The following PCLO variants were observed in gnomAD, a reference collection of about 807,000 sequenced individuals.
PCLO encodes piccolo presynaptic cytomatrix protein, also known as protein piccolo.
PCLO carries 82 observed loss-of-function variants against 427.5 expected under a neutral mutation model. That is an observed-to-expected ratio of 0.19 (90% CI 0.16 to 0.23). The LOEUF is 0.23. Among genes scored for constraint, PCLO ranks in the 10% least tolerant of loss-of-function variants. PCLO has a pLI of 1.00. For missense variants in PCLO, 6,239 were observed against 6,115.9 expected, an observed-to-expected ratio of 1.02 and a Z score of -0.67; for synonymous variants, 2,357 against 2,155.4, an observed-to-expected ratio of 1.09 and a Z score of -2.59.
chr7:82,946,041 C>T (rs867843284), intron 6 of PCLO, among the ~76,000 whole-genome samples: 5 of 152,172 alleles, frequency 3.3e-5, no homozygotes, highest in South Asian at 4.1e-4. Flanking sequence ...CTTGTCTTAT[C>T]TGTAAGGGCT....
chr7:83,012,621 GAAAAAAAAAAA>G (rs537818971), intron 3 of PCLO, among the ~76,000 whole-genome samples: 3 of 66,738 alleles, frequency 4.5e-5, no homozygotes, highest in African/African-American at 5.8e-5. Flanking sequence ...CTGTCTCAAG[GAAAAAAAAAAA>G]AAAAAAAAAA....
At chr7:83,057,344 ATATATTTTTTTTTT>A (rs1473837791) in intron 3 of PCLO, among the ~76,000 whole-genome samples, 10 of 19,934 alleles carry the variant, frequency 5.0e-4, no homozygotes, top group East Asian at 2.0e-3. Context: ...ATATATATAT[ATATATTTTTTTTTT>A]TTTTTTTTTT....
intron 3 of PCLO, among the ~76,000 whole-genome samples, chr7:82,980,288 C>T (rs1796117874): frequency 6.6e-6 from 1 of 152,092 alleles, no homozygotes; most frequent in South Asian, 2.1e-4. Context: ...GCTTTATTTT[C>T]ACACCTGTCC....
intron 3 of PCLO, among the ~76,000 whole-genome samples, chr7:82,972,957 A>C (rs1397073891): frequency 6.6e-6 from 1 of 152,088 alleles, no homozygotes; most frequent in African/African-American, 2.4e-5. Flanking sequence ...AATCTCGGCA[A>C]TATGGTGTTC....
intron 2 of PCLO, among the ~76,000 whole-genome samples, chr7:83,137,499 C>T (rs1295913973): frequency 7.2e-5 from 11 of 152,236 alleles, no homozygotes; most frequent in African/African-American, 2.2e-4. Context: ...GGTGCGATCT[C>T]GGCTCACTGC....
At chr7:83,162,129 T>C (rs1563001141) in intron 1 of PCLO, among the ~76,000 whole-genome samples, 1 of 152,186 alleles carries the variant, frequency 6.6e-6, no homozygotes, top group Non-Finnish European at 1.5e-5. Flanking sequence ...GTTCCAAGAA[T>C]GTAACCCTTG....
At chr7:82,836,791 T>G (rs1792242666) in intron 15 of PCLO, among the ~76,000 whole-genome samples, 1 of 152,124 alleles carries the variant, frequency 6.6e-6, no homozygotes, top group South Asian at 2.1e-4. Context: ...GATCTGCCTG[T>G]GGTGATATAA....
intron 16 of PCLO, among the ~76,000 whole-genome samples, chr7:82,828,769 C>G (rs886848152): frequency 1.3e-5 from 2 of 152,170 alleles, no homozygotes; most frequent in African/African-American, 4.8e-5. Flanking sequence ...CTGTTACTTG[C>G]TATTACCAAA....
At chr7:82,794,678 T>C (rs1791189191) in intron 22 of PCLO, among the ~76,000 whole-genome samples, 1 of 151,590 alleles carries the variant, frequency 6.6e-6, no homozygotes, top group South Asian at 2.1e-4. Context: ...TATGCCATGT[T>C]GCCCAGGTTG....
intron 2 of PCLO, among the ~76,000 whole-genome samples, chr7:83,145,896 T>TA (rs1791982835): frequency 6.6e-6 from 1 of 152,200 alleles, no homozygotes; most frequent in African/African-American, 2.4e-5. Flanking sequence ...TGCCCAACTT[T>TA]AAAATCTCAT....
In PCLO at chr7:82,760,621, T is replaced by C. The variant is rs1250555240; in HGVS notation, c.15288+18A>G. 2.0e-6 allele frequency: 3 copies of C among 1,507,156 alleles called. No homozygotes were observed. The allele number at this position is 1,507,156 out of a possible 1,614,324, so 93.4% of individuals were successfully genotyped here. On this transcript the variant is annotated intron_variant, in intron 24 of 24. Transcript: ENST00000333891. The stretch of plus-strand genomic sequence containing the variant: ...TGAATGAGAAGTTTCAAATATGAAC[T>C]ACATAATACAGAGCTACCTGAAGAG...
chr7:82,956,099 G>A lies in PCLO; in HGVS notation c.4854C>T (p.Ser1618=), dbSNP rs778589058. The A allele has an allele frequency of 2.5e-6, 4 of 1,610,864 alleles. No homozygotes were observed. Among genetic ancestry groups the A allele is most frequent in the African/African-American group, 2.7e-5 (2 of 75,008 alleles). Residue 1618 remains serine, a synonymous_variant, in exon 5 of 25, where the codon AGC becomes AGT. Coordinates refer to ENST00000333891, the MANE Select transcript of PCLO (RefSeq NM_033026.6). ...GACGTCTTCCTGCATCTTCATCAAT[G>A]CTTGTGCTACTTTTTCGAGTCAGTC... ...HRRLTRKSST[S]IDEDAGRRHS...
chr7:83,016,037 T>C (rs1197340324), intron 3 of PCLO, among the ~76,000 whole-genome samples: 1 of 152,098 alleles, frequency 6.6e-6, no homozygotes, highest in Admixed American at 6.6e-5. Flanking sequence ...TGAATTGTTT[T>C]CATGAACGTG....
chr7:83,020,261 G>A (rs1476722246), intron 3 of PCLO, among the ~76,000 whole-genome samples: 2 of 152,214 alleles, frequency 1.3e-5, no homozygotes, highest in East Asian at 1.9e-4. Context: ...GATGCATGCT[G>A]TTACATTCCA....
chr7:83,026,286 A>G (rs1179696893), intron 3 of PCLO, among the ~76,000 whole-genome samples: 2 of 152,176 alleles, frequency 1.3e-5, no homozygotes, highest in Non-Finnish European at 2.9e-5. Context: ...GAAAACAAAA[A>G]AAGGCAGGGG....
intron 3 of PCLO, among the ~76,000 whole-genome samples, chr7:83,066,829 T>G (rs1789682174): frequency 6.6e-6 from 1 of 152,278 alleles, no homozygotes; most frequent in South Asian, 2.1e-4. Context: ...GATGGAGCGC[T>G]GTTCTTCACA....
chr7:82,864,020 T>C (rs1371721241), intron 10 of PCLO, among the ~76,000 whole-genome samples: 2 of 152,072 alleles, frequency 1.3e-5, no homozygotes, highest in South Asian at 2.1e-4. Flanking sequence ...AAAACCCCCA[T>C]AGTTTTAGAA....
At chr7:83,054,531 A>T (rs572236948) in intron 3 of PCLO, among the ~76,000 whole-genome samples, 1 of 152,192 alleles carries the variant, frequency 6.6e-6, no homozygotes, top group South Asian at 2.1e-4. Context: ...TATTTTAAAA[A>T]CAAACTAAAA....
In PCLO at chr7:82,801,548, C is replaced by T. The variant is rs745347705; in HGVS notation, c.14977G>A (p.Gly4993Arg). 2 of 1,599,466 alleles carry T rather than the reference C, an allele frequency of 1.3e-6. No individual in the cohort carries two copies. The highest frequency in any genetic ancestry group is 4.5e-5 in the East Asian group (2 of 44,670). ...QNGQEPVKQP[G>R]VGVGLADTEA... ...GTGTCTGCTAGTCCTACTCCTACCC[C>T]TGGCTGTTTTACAGGCTCTTGTCCA... is the stretch of plus-strand genomic sequence containing the variant. Residue 4993 changes from glycine (G) to arginine (R), a missense_variant, in exon 22 of 25, where the codon GGG becomes AGG. This residue lies in a region of PCLO where 877 missense variants were observed against 925.5 expected (regional missense o/e 0.95). Transcript: ENST00000333891.
Sources: allele counts gnomAD v4.1 joint callset (sites outside exome capture counted in the v4.1 genomes callset), GRCh38; gene constraint gnomAD v4.1.1; regional missense constraint gnomAD v4.1.1; transcripts MANE v1.5; gene names NCBI Gene and HGNC (gene_info 2026-07-23, HGNC 2026-07-21).